Variants in DSCAML1 observed in about 807,000 individuals in gnomAD.
DSCAML1 encodes cell adhesion molecule DSCAML1.
DSCAML1 carries 38 observed loss-of-function variants against 200.5 expected under a neutral mutation model. That is an observed-to-expected ratio of 0.19 (90% CI 0.15 to 0.25). The LOEUF (loss-of-function observed/expected upper bound fraction) is 0.25. DSCAML1 is among the 10% of genes least tolerant of loss of function. The pLI is 1.00. For missense variants in DSCAML1, 2,223 were observed against 2,858.8 expected (o/e 0.78, Z 5.07); for synonymous variants, 1,215 against 1,165.0 (o/e 1.04, Z -0.87).
chr11:117,637,074 C>T (rs1439822175), intron 3 of DSCAML1, among the ~76,000 whole-genome samples: 1 of 152,102 alleles, frequency 6.6e-6, no homozygotes, highest in African/African-American at 2.4e-5. Flanking sequence ...TGAGCAGGAG[C>T]CCCCTTTCCA....
intron 3 of DSCAML1, among the ~76,000 whole-genome samples, chr11:117,681,407 GA>G (rs1369846382): frequency 6.6e-6 from 1 of 152,194 alleles, no homozygotes; most frequent in Admixed American, 6.5e-5. Context: ...GTGCTTTGGG[GA>G]CATGGCCTGC....
At chr11:117,750,661 A>G (rs2054591866) in intron 3 of DSCAML1, among the ~76,000 whole-genome samples, 1 of 152,192 alleles carries the variant, frequency 6.6e-6, no homozygotes, top group African/African-American at 2.4e-5. Context: ...TAATCCCAAA[A>G]TGAAGGTTCT....
At chr11:117,641,507 T>C (rs561730475) in intron 3 of DSCAML1, among the ~76,000 whole-genome samples, 1 of 152,288 alleles carries the variant, frequency 6.6e-6, no homozygotes, top group Non-Finnish European at 1.5e-5. Context: ...CATGTGACTG[T>C]AGCAGCCCTC....
At chr11:117,729,772 G>C (rs771913011) in intron 3 of DSCAML1, among the ~76,000 whole-genome samples, 1 of 152,220 alleles carries the variant, frequency 6.6e-6, no homozygotes, top group Non-Finnish European at 1.5e-5. Flanking sequence ...AAGATGCCCA[G>C]CATCCTAATC....
chr11:117,751,451 C>T (rs912451480), intron 3 of DSCAML1, among the ~76,000 whole-genome samples: 4 of 150,972 alleles, frequency 2.6e-5, no homozygotes, highest in Admixed American at 2.6e-4. Context: ...GCCAAGTCTC[C>T]AGGGAAGGAT....
intron 3 of DSCAML1, among the ~76,000 whole-genome samples, chr11:117,601,252 A>T (rs1160326037): frequency 6.6e-6 from 1 of 151,792 alleles, no homozygotes; most frequent in East Asian, 1.9e-4. Context: ...CTGTCCTCAG[A>T]AACAGAGAGA....
intron 3 of DSCAML1, among the ~76,000 whole-genome samples, chr11:117,560,007 G>C (rs1344688836): frequency 6.6e-6 from 1 of 152,080 alleles, no homozygotes; most frequent in African/African-American, 2.4e-5. Flanking sequence ...CTCCTTGGGT[G>C]AGTTCCCCAA....
intron 2 of DSCAML1, among the ~76,000 whole-genome samples, chr11:117,779,110 C>T (rs2055185433): frequency 6.6e-6 from 1 of 152,206 alleles, no homozygotes; most frequent in Admixed American, 6.5e-5. Context: ...GTTGGGAGGC[C>T]TTTCCCAGAA....
intron 3 of DSCAML1, among the ~76,000 whole-genome samples, chr11:117,677,365 G>T (rs1436133894): frequency 6.6e-6 from 1 of 152,188 alleles, no homozygotes; most frequent in Non-Finnish European, 1.5e-5. Context: ...TGAGATGGTG[G>T]AATGAGGCTC....
chr11:117,472,670 T>C (rs1320620119), intron 14 of DSCAML1, among the ~76,000 whole-genome samples: 1 of 152,182 alleles, frequency 6.6e-6, no homozygotes, highest in Non-Finnish European at 1.5e-5. Context: ...GAGATTAACA[T>C]GTTCACGATT....
At chr11:117,778,123 C>T (rs1799831388) in intron 2 of DSCAML1, among the ~76,000 whole-genome samples, 1 of 152,238 alleles carries the variant, frequency 6.6e-6, no homozygotes, top group Non-Finnish European at 1.5e-5. Flanking sequence ...CAGCCTGGCT[C>T]TTCCCGGCCC....
intron 19 of DSCAML1, among the ~76,000 whole-genome samples, chr11:117,457,756 G>A (rs1311018065): frequency 6.6e-6 from 1 of 152,196 alleles, no homozygotes; most frequent in Non-Finnish European, 1.5e-5. Context: ...TCCCAGCCGA[G>A]TCGTTCCTTT....
At chr11:117,529,205 G>A (rs2050031397) in intron 4 of DSCAML1, among the ~76,000 whole-genome samples, 1 of 152,082 alleles carries the variant, frequency 6.6e-6, no homozygotes, top group Non-Finnish European at 1.5e-5. Flanking sequence ...CGCCTCCCGA[G>A]TAGCTGGGAT....
intron 3 of DSCAML1, among the ~76,000 whole-genome samples, chr11:117,591,557 C>G (rs1591301072): frequency 6.6e-6 from 1 of 152,182 alleles, no homozygotes; most frequent in Admixed American, 6.5e-5. Flanking sequence ...TGTCTGGGGA[C>G]GTGGAGAAGT....
chr11:117,697,168 T>G (rs896041398), intron 3 of DSCAML1, among the ~76,000 whole-genome samples: 5 of 152,196 alleles, frequency 3.3e-5, no homozygotes, highest in African/African-American at 4.8e-5. Flanking sequence ...TCAGCAGCAC[T>G]AGGATCAAAC....
intron 17 of DSCAML1, among the ~76,000 whole-genome samples, chr11:117,464,109 G>T (rs771115221): frequency 1.3e-5 from 2 of 152,138 alleles, no homozygotes; most frequent in Non-Finnish European, 2.9e-5. Flanking sequence ...TCTGCCCTCC[G>T]GACTGTTGGT....
intron 3 of DSCAML1, among the ~76,000 whole-genome samples, chr11:117,688,545 G>C (rs753796843): frequency 3.9e-5 from 6 of 152,172 alleles, no homozygotes; most frequent in Non-Finnish European, 7.4e-5. Context: ...ATCTTTAAGG[G>C]AGGCAGGAAG....
chr11:117,678,253 G>A (rs1050059143), intron 3 of DSCAML1, among the ~76,000 whole-genome samples: 1 of 152,190 alleles, frequency 6.6e-6, no homozygotes, highest in African/African-American at 2.4e-5. Context: ...CTCCTGGTGG[G>A]TTACCCAGCC....
chr11:117,634,710 C>T (rs1029532205), intron 3 of DSCAML1, among the ~76,000 whole-genome samples: 16 of 152,220 alleles, frequency 1.1e-4, no homozygotes, highest in East Asian at 5.8e-4. Context: ...TCCCCTTCAG[C>T]GGTGCCAACA....
Sources: gnomAD v4.1 joint callset for allele counts (sites outside exome capture counted in the v4.1 genomes callset) on GRCh38, gnomAD v4.1.1 for gene constraint, MANE v1.5 for transcripts, NCBI Gene and HGNC (gene_info 2026-07-23, HGNC 2026-07-21) for gene names.